Variants in ANO10 observed in about 807,000 individuals in gnomAD.
ANO10 encodes the protein anoctamin 10.
A neutral mutation model predicts 74.7 loss-of-function variants in ANO10; 77 were observed. The observed-to-expected ratio is 1.03, with a 90% CI of 0.86 to 1.25. The LOEUF is 1.25. ANO10 is among the 50% of genes most tolerant of loss of function. The pLI, the probability that ANO10 is intolerant of heterozygous loss-of-function variation, is 0.00. For missense variants in ANO10, 721 were observed against 778.1 expected (o/e 0.93, Z 0.87); for synonymous variants, 279 against 284.9 (o/e 0.98, Z 0.21).
At chr3:43,403,242 C>A (rs1297853736) in intron 12 of ANO10, among the ~76,000 whole-genome samples, 1 of 152,236 alleles carries the variant, frequency 6.6e-6, no homozygotes, top group African/African-American at 2.4e-5. Context: ...CACAGAGGTG[C>A]CACAGATATT....
chr3:43,683,019 A>T (rs1256402769), intron 1 of ANO10, among the ~76,000 whole-genome samples: 1 of 152,216 alleles, frequency 6.6e-6, no homozygotes, highest in Non-Finnish European at 1.5e-5. Flanking sequence ...GAAAACTGGC[A>T]CAAGACAGGG....
At chr3:43,529,144 T>C (rs2078342160) in intron 11 of ANO10, among the ~76,000 whole-genome samples, 1 of 152,152 alleles carries the variant, frequency 6.6e-6, no homozygotes, top group South Asian at 2.1e-4. Flanking sequence ...CCAAACAAAA[T>C]GACCAAGTCA....
At chr3:43,584,881 TG>T (rs762807638) in intron 4 of ANO10, among the ~76,000 whole-genome samples, 2 of 152,152 alleles carry the variant, frequency 1.3e-5, no homozygotes, top group Non-Finnish European at 2.9e-5. Context: ...ATGAAAGCCC[TG>T]GCCACCTTTC....
chr3:43,434,837 A>C (rs1053120942), intron 11 of ANO10, among the ~76,000 whole-genome samples: 3 of 152,216 alleles, frequency 2.0e-5, no homozygotes, highest in Non-Finnish European at 4.4e-5. Context: ...CATGAATTGA[A>C]AAAAGTTGGT....
chr3:43,432,333 T>C (rs1357226193), intron 12 of ANO10, among the ~76,000 whole-genome samples: 1 of 152,204 alleles, frequency 6.6e-6, no homozygotes, highest in African/African-American at 2.4e-5. Context: ...CCAGGTTGAT[T>C]CTTAGATGTC....
chr3:43,688,504 T>C (rs1022009250), intron 1 of ANO10, among the ~76,000 whole-genome samples: 1 of 152,206 alleles, frequency 6.6e-6, no homozygotes, highest in African/African-American at 2.4e-5. Flanking sequence ...ACTTTATCTA[T>C]TGTTCCTTGT....
chr3:43,479,510 T>C (rs567910060), intron 11 of ANO10, among the ~76,000 whole-genome samples: 80 of 152,264 alleles, frequency 5.3e-4, no homozygotes, highest in Non-Finnish European at 8.1e-4. Context: ...TGAAATGTGA[T>C]TGGTACATCT....
At chr3:43,644,327 T>C (rs998680342) in intron 1 of ANO10, among the ~76,000 whole-genome samples, 1 of 152,114 alleles carries the variant, frequency 6.6e-6, no homozygotes, top group African/African-American at 2.4e-5. Flanking sequence ...GGAAATAACT[T>C]GATTTAGTTT....
intron 11 of ANO10, among the ~76,000 whole-genome samples, chr3:43,457,674 C>T (rs138810429): frequency 6.6e-6 from 1 of 152,306 alleles, no homozygotes; most frequent in African/African-American, 2.4e-5. Flanking sequence ...ACCTGCTTTA[C>T]TTTAGAATAC....
chr3:43,482,312 G>T (rs2076304971), intron 11 of ANO10, among the ~76,000 whole-genome samples: 1 of 152,104 alleles, frequency 6.6e-6, no homozygotes, highest in South Asian at 2.1e-4. Context: ...GATCTCCTGG[G>T]GCTGTGTCAT....
At chr3:43,438,760 A>C (rs1379987171) in intron 11 of ANO10, among the ~76,000 whole-genome samples, 2 of 152,090 alleles carry the variant, frequency 1.3e-5, no homozygotes, top group Non-Finnish European at 2.9e-5. Context: ...AAAAAAAAAA[A>C]ATTCACTAAT....
chr3:43,629,019 G>A (rs1317861837), intron 1 of ANO10, among the ~76,000 whole-genome samples: 2 of 151,972 alleles, frequency 1.3e-5, no homozygotes, highest in Admixed American at 6.6e-5. Context: ...ACACCTATTC[G>A]CACACTCCCT....
At chr3:43,453,954 G>A (rs930008410) in intron 11 of ANO10, among the ~76,000 whole-genome samples, 3 of 152,206 alleles carry the variant, frequency 2.0e-5, no homozygotes, top group African/African-American at 7.2e-5. Context: ...CACAGCTGGA[G>A]CTTACCTTTT....
At chr3:43,581,868 G>A (rs2081276263) in intron 4 of ANO10, among the ~76,000 whole-genome samples, 1 of 150,800 alleles carries the variant, frequency 6.6e-6, no homozygotes, top group Non-Finnish European at 1.5e-5. Flanking sequence ...CAAGGCTACA[G>A]TGAGCTATGA....
At chr3:43,589,413 G>A (rs996535692) in intron 4 of ANO10, among the ~76,000 whole-genome samples, 2 of 152,090 alleles carry the variant, frequency 1.3e-5, no homozygotes, top group South Asian at 2.1e-4. Flanking sequence ...TCGGCTGGGC[G>A]CAGTGGCTCA....
chr3:43,667,986 CT>C (rs2084012778), intron 1 of ANO10, among the ~76,000 whole-genome samples: 1 of 152,038 alleles, frequency 6.6e-6, no homozygotes, highest in Non-Finnish European at 1.5e-5. Flanking sequence ...AAAGGTAGTT[CT>C]TTTAGTTCTT....
chr3:43,627,378 G>A (rs144292424), intron 1 of ANO10, among the ~76,000 whole-genome samples: 2 of 152,374 alleles, frequency 1.3e-5, no homozygotes, highest in Admixed American at 6.5e-5. Context: ...CAAGGAAGCT[G>A]CTGGGTCTGA....
At chr3:43,586,819 AAAATAAATCTGTT>A (rs1413808701) in intron 4 of ANO10, among the ~76,000 whole-genome samples, 1 of 152,142 alleles carries the variant, frequency 6.6e-6, no homozygotes. Context: ...ATGCAAGAGA[AAAATAAATCTGTT>A]ACAGATTCAA....
chr3:43,411,408 T>C (rs546572522), intron 12 of ANO10, among the ~76,000 whole-genome samples: 9 of 152,328 alleles, frequency 5.9e-5, no homozygotes, highest in African/African-American at 2.2e-4. Context: ...TGAGGGCTAA[T>C]TACTCTTTGA....
Sources: gnomAD v4.1 joint callset for allele counts (sites outside exome capture counted in the v4.1 genomes callset) on GRCh38, gnomAD v4.1.1 for gene constraint, MANE v1.5 for transcripts, NCBI Gene and HGNC (gene_info 2026-07-23, HGNC 2026-07-21) for gene names.